The following ME3 variants were observed in gnomAD, a reference collection of about 807,000 sequenced individuals.
ME3 encodes the protein malic enzyme 3.
A neutral mutation model predicts 68.9 loss-of-function variants in ME3; 48 were observed. That is an observed-to-expected ratio of 0.70 (90% confidence interval 0.55 to 0.89). ME3 has a LOEUF of 0.89. ME3 is among the 40% of genes least tolerant of loss of function. The probability of loss-of-function intolerance (pLI) is 0.00; values close to 1 mark genes in which losing one functional copy is unlikely to be tolerated. For synonymous variants in ME3, 320 were observed against 318.8 expected (o/e 1.00, Z -0.04); for missense variants, 675 against 797.4 (o/e 0.85, Z 1.85).
At chr11:86,548,237 A>G (rs17819176) in intron 4 of ME3, among the ~76,000 whole-genome samples, 12,760 of 152,342 alleles carry the variant, frequency 0.084, 595 homozygotes, top group Non-Finnish European at 0.11. Context: ...CAGTTCCCTC[A>G]GTGATTGAAC....
chr11:86,440,583 C>A (rs959465996), downstream of ME3, among the ~76,000 whole-genome samples: 2 of 152,152 alleles, frequency 1.3e-5, no homozygotes, highest in East Asian at 3.8e-4. Flanking sequence ...TCTGGTTTTC[C>A]TTTTAGAAAA....
intron 4 of ME3, among the ~76,000 whole-genome samples, chr11:86,533,085 A>G (rs1955380812): frequency 6.6e-6 from 1 of 152,088 alleles, no homozygotes; most frequent in African/African-American, 2.4e-5. Context: ...AAGTAACCTA[A>G]TCTTATACCT....
At chr11:86,640,757 T>C (rs1944617409) in intron 2 of ME3, among the ~76,000 whole-genome samples, 1 of 152,234 alleles carries the variant, frequency 6.6e-6, no homozygotes, top group African/African-American at 2.4e-5. Context: ...CTCTCCATGA[T>C]ACAGTATCCA....
chr11:86,556,443 G>A, intron 4 of ME3, 110 bp downstream of exon 4: 7 of 1,313,522 alleles, frequency 5.3e-6, no homozygotes, highest in Non-Finnish European at 7.2e-6. Context: ...TTGGACCACT[G>A]ACCCAATCAG....
At chr11:86,551,214 G>A (rs1039978745) in intron 4 of ME3, among the ~76,000 whole-genome samples, 4 of 152,130 alleles carry the variant, frequency 2.6e-5, no homozygotes, top group African/African-American at 7.2e-5. Context: ...GATAAAGCAT[G>A]TTCACATGCG....
At chr11:86,489,099 AC>A (rs919623068) in intron 6 of ME3, 2 of 152,188 alleles carry the variant, frequency 1.3e-5, no homozygotes, top group Non-Finnish European at 2.9e-5. Flanking sequence ...GGAATTATCT[AC>A]TTTTTTGTCT....
intron 4 of ME3, among the ~76,000 whole-genome samples, chr11:86,534,789 T>C (rs1468006690): frequency 6.6e-6 from 1 of 152,192 alleles, no homozygotes; most frequent in Non-Finnish European, 1.5e-5. Context: ...GTGAGAATAG[T>C]TGAGTGGACT....
At chr11:86,637,986 A>ACACACC (rs1384569686) in intron 2 of ME3, among the ~76,000 whole-genome samples, 3 of 151,636 alleles carry the variant, frequency 2.0e-5, no homozygotes, top group Non-Finnish European at 4.4e-5. Context: ...ACACACACAC[A>ACACACC]CACACACACA....
intron 2 of ME3, among the ~76,000 whole-genome samples, chr11:86,648,988 C>T (rs1945221262): frequency 6.6e-6 from 1 of 150,490 alleles, no homozygotes; most frequent in Non-Finnish European, 1.5e-5. Context: ...ATCCTGATAC[C>T]AAAATCTGTC....
chr11:86,471,952 A>G (rs1318845235), intron 7 of ME3, among the ~76,000 whole-genome samples: 2 of 152,218 alleles, frequency 1.3e-5, no homozygotes, highest in Non-Finnish European at 1.5e-5. Flanking sequence ...AGTAATAATA[A>G]AGATATGTGC....
intron 4 of ME3, among the ~76,000 whole-genome samples, chr11:86,511,415 T>G (rs1389179225): frequency 3.3e-5 from 5 of 152,194 alleles, no homozygotes; most frequent in African/African-American, 1.2e-4. Context: ...CCTACTCCAG[T>G]GCTACTTTGA....
At chr11:86,498,186 TAGC>T in intron 5 of ME3, 62 bp from the exon 6 acceptor site, 1 of 1,543,474 alleles carries the variant, frequency 6.5e-7, no homozygotes, top group Non-Finnish European at 8.7e-7. Context: ...GTGCTCATTT[TAGC>T]AGCCCCAGCC....
chr11:86,482,461 G>T (rs1951466524), intron 7 of ME3, among the ~76,000 whole-genome samples: 1 of 151,792 alleles, frequency 6.6e-6, no homozygotes, highest in Admixed American at 6.6e-5. Context: ...TTCCTATAGT[G>T]AGGGCTGCCC....
chr11:86,527,397 C>T (rs967924736), intron 4 of ME3, among the ~76,000 whole-genome samples: 3 of 152,166 alleles, frequency 2.0e-5, no homozygotes, highest in African/African-American at 7.2e-5. Context: ...GACTGGTGTA[C>T]CTGAAAGTGA....
Position 86,531,137 on chromosome 11 carries a change from C to G in ME3, c.468-22270G>C, listed in dbSNP as rs531129680. Among the ~76,000 whole-genome samples the G allele has an allele frequency of 6.2e-3, 946 of 151,972 alleles. 2 individuals are homozygous for G. The highest frequency in any genetic ancestry group is 9.0e-3 in the Non-Finnish European group (610 of 67,890). ...TAATATCCAGAATCTACAAAGAACTCAAACAAATTTACAAGAAAAAAACAA... is the reference window on the plus strand; with the variant it reads ...TAATATCCAGAATCTACAAAGAACTGAAACAAATTTACAAGAAAAAAACAA... On this transcript the variant is annotated intron_variant, in intron 4 of 14. Transcript: ENST00000543262.
chr11:86,459,473 C>T (rs1004931377), intron 8 of ME3, among the ~76,000 whole-genome samples: 1 of 152,174 alleles, frequency 6.6e-6, no homozygotes, highest in Non-Finnish European at 1.5e-5. Context: ...CCTGTCCCTA[C>T]CTATACATCA....
rs138278032 is a variant in ME3 at position 86,551,290 on chromosome 11, C to T, written c.467+5263G>A. ...TAGTTCCTGTGATCCGAGCTTGGAG[C>T]TGTGGAGTAGCTCCAAGGCCACATG... is the stretch of plus-strand genomic sequence containing the variant. On this transcript the variant is annotated intron_variant, in intron 4 of 14. Transcript: ENST00000543262. Among the ~76,000 whole-genome samples the T allele has an allele frequency of 7.9e-5, 12 of 152,288 alleles. No individual in the cohort carries two copies. In the East Asian group the frequency reaches 9.7e-4, roughly 12 times the overall value.
At chr11:86,599,804 C>G (rs1272710249) in intron 2 of ME3, among the ~76,000 whole-genome samples, 1 of 152,146 alleles carries the variant, frequency 6.6e-6, no homozygotes, top group Admixed American at 6.6e-5. Flanking sequence ...ATTCAACATT[C>G]TTAAAGAAAA....
chr11:86,657,325 G>T (rs780443613), intron 2 of ME3, among the ~76,000 whole-genome samples: 24 of 152,082 alleles, frequency 1.6e-4, no homozygotes, highest in Admixed American at 3.3e-4. Context: ...GCAGGGACAT[G>T]GATGAAGCTG....
Sources: gnomAD v4.1 joint callset for allele counts (sites outside exome capture counted in the v4.1 genomes callset) on GRCh38, gnomAD v4.1.1 for gene constraint, MANE v1.5 for transcripts, NCBI Gene and HGNC (gene_info 2026-07-23, HGNC 2026-07-21) for gene names.